Variants in CNTN3 observed in about 807,000 individuals in gnomAD.
CNTN3 encodes contactin-3.
Under a neutral mutation model 119.1 loss-of-function variants are expected in CNTN3, and 60 were observed. The observed-to-expected ratio is 0.50, with a 90% CI of 0.41 to 0.62. CNTN3 has a LOEUF of 0.62. CNTN3 is among the 20% of genes least tolerant of loss of function. CNTN3 has a pLI of 0.00. For missense variants in CNTN3, 1,101 were observed against 1,242.4 expected, an observed-to-expected ratio of 0.89 and a Z score of 1.71; for synonymous variants, 450 against 438.7, an observed-to-expected ratio of 1.03 and a Z score of -0.32.
At chr3:74,587,974 T>C (rs1704625912) in intron 1 of CNTN3, among the ~76,000 whole-genome samples, 1 of 152,158 alleles carries the variant, frequency 6.6e-6, no homozygotes, top group South Asian at 2.1e-4. Context: ...GTCCCATCAA[T>C]ACCTAATTTA....
At chr3:74,492,572 T>G (rs763578359) in intron 3 of CNTN3, among the ~76,000 whole-genome samples, 13 of 152,296 alleles carry the variant, frequency 8.5e-5, no homozygotes, top group Non-Finnish European at 1.8e-4. Context: ...AATTTTTGAT[T>G]CCTGAATAGA....
intron 1 of CNTN3, among the ~76,000 whole-genome samples, chr3:74,577,489 T>C (rs751554391): frequency 6.6e-6 from 1 of 152,104 alleles, no homozygotes; most frequent in Non-Finnish European, 1.5e-5. Flanking sequence ...CCAAATAGCA[T>C]AGTTCTCTCT....
chr3:74,407,433 TAA>T, intron 5 of CNTN3, among the ~76,000 whole-genome samples: 1 of 77,518 alleles, frequency 1.3e-5, no homozygotes, highest in South Asian at 4.0e-4. Flanking sequence ...CACGCCTGGC[TAA>T]TTTTTTTTTT....
chr3:74,368,486 G>A (rs574818149), intron 8 of CNTN3, among the ~76,000 whole-genome samples: 10 of 151,710 alleles, frequency 6.6e-5, no homozygotes, highest in African/African-American at 1.9e-4. Flanking sequence ...TTATAAATCC[G>A]TTTTGAAAAA....
chr3:74,451,707 G>A (rs1702159418), intron 4 of CNTN3, among the ~76,000 whole-genome samples: 1 of 150,808 alleles, frequency 6.6e-6, no homozygotes, highest in Non-Finnish European at 1.5e-5. Flanking sequence ...TGTAAGGAAG[G>A]GATCCAGTTT....
chr3:74,350,077 C>A (rs1433831780), intron 11 of CNTN3, among the ~76,000 whole-genome samples: 1 of 152,104 alleles, frequency 6.6e-6, no homozygotes, highest in African/African-American at 2.4e-5. Flanking sequence ...TGGTTAGCTG[C>A]AAAATTTAGT....
chr3:74,508,314 C>A (rs1447444510), intron 2 of CNTN3, among the ~76,000 whole-genome samples: 7 of 152,120 alleles, frequency 4.6e-5, no homozygotes, highest in Middle Eastern at 3.2e-3. Context: ...GAGGCCTCCT[C>A]AGCCATGTGA....
intron 5 of CNTN3, among the ~76,000 whole-genome samples, chr3:74,382,505 C>T (rs1704645694): frequency 6.6e-6 from 1 of 152,130 alleles, no homozygotes; most frequent in Non-Finnish European, 1.5e-5. Context: ...CTACACCTTT[C>T]AATTCCCTCC....
chr3:74,272,037 T>C (rs1057185084), intron 20 of CNTN3, among the ~76,000 whole-genome samples: 6 of 152,158 alleles, frequency 3.9e-5, no homozygotes, highest in African/African-American at 1.4e-4. Flanking sequence ...ATAATAAAAA[T>C]ATGTGAGATT....
At chr3:74,270,321 T>C (rs1292438156) in intron 20 of CNTN3, among the ~76,000 whole-genome samples, 1 of 152,114 alleles carries the variant, frequency 6.6e-6, no homozygotes, top group Non-Finnish European at 1.5e-5. Context: ...TAAAAGTCAT[T>C]GAAGAGTATG....
chr3:74,265,509 T>C (rs1048594206), intron 22 of CNTN3, among the ~76,000 whole-genome samples: 1 of 152,190 alleles, frequency 6.6e-6, no homozygotes, highest in Non-Finnish European at 1.5e-5. Context: ...GAGAGTTCTG[T>C]AGTCCAAGAT....
Position 74,369,975 on chromosome 3 carries a change from A to G in CNTN3, c.675T>C (p.Tyr225=). Residue 225 remains tyrosine (Y), a synonymous_variant, in exon 7 of 23, where the codon TAT becomes TAC. Coordinates refer to ENST00000263665, the MANE Select transcript of CNTN3 (RefSeq NM_020872.3). ...GAAACTGAACTTCTATTTTAGGTTC[A>G]TATTCACCCATCACACCTATAAATC... is the stretch of plus-strand genomic sequence containing the variant. ...VLRSDGVMGE[Y]EPKIEVQFPE... 6.3e-7 allele frequency: 1 copy of G among 1,578,228 alleles called. No individual in the cohort carries two copies. The highest frequency in any genetic ancestry group is 8.7e-7 in the Non-Finnish European group (1 of 1,149,324).
At chr3:74,434,616 C>T (rs1221052760) in intron 4 of CNTN3, among the ~76,000 whole-genome samples, 2 of 152,178 alleles carry the variant, frequency 1.3e-5, no homozygotes, top group African/African-American at 4.8e-5. Flanking sequence ...TTCTCTCTAG[C>T]TATTTGAACA....
intron 5 of CNTN3, among the ~76,000 whole-genome samples, chr3:74,373,196 T>C: frequency 6.6e-6 from 1 of 152,192 alleles, no homozygotes; most frequent in Non-Finnish European, 1.5e-5. Context: ...CCTATCCTGA[T>C]GATGCTTTTC....
At chr3:74,574,158 C>T (rs762268861) in intron 1 of CNTN3, among the ~76,000 whole-genome samples, 2 of 151,962 alleles carry the variant, frequency 1.3e-5, no homozygotes, top group Admixed American at 1.3e-4. Context: ...CATGGATGAA[C>T]CTTGAAAACA....
chr3:74,500,634 GA>G (rs2107080568), intron 2 of CNTN3, among the ~76,000 whole-genome samples: 1 of 151,722 alleles, frequency 6.6e-6, no homozygotes, highest in South Asian at 2.1e-4. Flanking sequence ...TGAAAAGTCA[GA>G]CAAAGAAAAC....
At chr3:74,493,593 G>C (rs1346927979) in intron 3 of CNTN3, among the ~76,000 whole-genome samples, 1 of 152,102 alleles carries the variant, frequency 6.6e-6, no homozygotes. Context: ...TAAATCAACA[G>C]GCAATACTTT....
chr3:74,275,969 C>A (rs559594), intron 20 of CNTN3, among the ~76,000 whole-genome samples: 23,043 of 151,926 alleles, frequency 0.15, 1,765 homozygotes, highest in East Asian at 0.19. Context: ...TGCAAATGGA[C>A]ACAAAAAGCA....
intron 4 of CNTN3, among the ~76,000 whole-genome samples, chr3:74,460,949 C>G (rs1418687213): frequency 6.6e-6 from 1 of 150,580 alleles, no homozygotes; most frequent in African/African-American, 2.4e-5. Flanking sequence ...ATTCAGTTTC[C>G]TACCATTAAA....
Sources: allele counts gnomAD v4.1 joint callset (sites outside exome capture counted in the v4.1 genomes callset), GRCh38; gene constraint gnomAD v4.1.1; transcripts MANE v1.5; gene names NCBI Gene and HGNC (gene_info 2026-07-23, HGNC 2026-07-21).